Variants in ZNF33B observed in about 807,000 individuals in gnomAD.
ZNF33B encodes the protein zinc finger protein 11b (KOX 2).
Under a neutral mutation model 45.8 loss-of-function variants are expected in ZNF33B, and 29 were observed. The observed-to-expected ratio is 0.63, with a 90% CI of 0.47 to 0.86. ZNF33B has a LOEUF of 0.86. ZNF33B is among the 40% of genes least tolerant of loss of function. The pLI, the probability that ZNF33B is intolerant of heterozygous loss-of-function variation, is 0.00. For synonymous variants in ZNF33B, 305 were observed against 307.8 expected (o/e 0.99, Z 0.10); for missense variants, 831 against 909.9 (o/e 0.91, Z 1.12).
At chr10:42,626,113 C>T (rs1201926618) in intron 4 of ZNF33B, among the ~76,000 whole-genome samples, 1 of 152,154 alleles carries the variant, frequency 6.6e-6, no homozygotes, top group Non-Finnish European at 1.5e-5. Flanking sequence ...TTGTCAAATG[C>T]TTTCTCTATA....
Position 42,591,204 on chromosome 10 carries a change from C to T in ZNF33B, c.*1409G>A, listed in dbSNP as rs1837106770. Reference sequence around the variant, plus strand: ...GTACAATGAGCAATGAAATGACAGTCCAACAGCCCTGGGCAGCAACTGGGC... The same window carrying T: ...GTACAATGAGCAATGAAATGACAGTTCAACAGCCCTGGGCAGCAACTGGGC... On this transcript the variant is annotated 3_prime_UTR_variant, in exon 5 of 5. Coordinates refer to ENST00000359467, the MANE Select transcript of ZNF33B (RefSeq NM_006955.3). The T allele has an allele frequency of 1.2e-6, 1 of 815,426 alleles. No homozygotes were observed. The allele number at this position is 815,426 out of a possible 1,614,324, so 50.5% of individuals were successfully genotyped here. A position where few individuals can be genotyped will look rare whatever the true frequency, so the allele number is the denominator to read the frequency against.
In ZNF33B at chr10:42,592,855, C is replaced by T. The variant is rs1288722960; in HGVS notation, c.2095G>A (p.Gly699Arg). Residue 699 changes from glycine (G) to arginine (R), a missense_variant, in exon 5 of 5, where the codon GGG becomes AGG. By Grantham distance (125) the Gly-to-Arg change is moderately radical. Coordinates refer to ENST00000359467, the MANE Select transcript of ZNF33B (RefSeq NM_006955.3). ...GATGATTTGTGACTGAAGGATTTCC[C>T]ACATTCATTGCATTCATAGGGTTTC... Reference protein sequence around the residue: ...GEKPYECNECGKSFSHKSSLT... With the variant: ...GEKPYECNECRKSFSHKSSLT... The T allele has an allele frequency of 1.2e-6, 2 of 1,614,074 alleles. No homozygotes were observed. The highest frequency in any genetic ancestry group is 2.2e-5 in the East Asian group (1 of 44,862).
At chr10:42,575,573 T>C (rs932021320) in intron 1 of ZNF33B, among the ~76,000 whole-genome samples, 2 of 152,082 alleles carry the variant, frequency 1.3e-5, no homozygotes, top group African/African-American at 4.8e-5. Context: ...ATTTCTTTCA[T>C]GTATGCCCCT....
intron 4 of ZNF33B, among the ~76,000 whole-genome samples, chr10:42,603,788 T>A (rs1837727006): frequency 7.2e-6 from 1 of 138,056 alleles, no homozygotes; most frequent in South Asian, 2.2e-4. Flanking sequence ...CACAGAAAGA[T>A]TCACTCAAAG....
At chr10:42,615,936 T>C (rs897985702) in intron 4 of ZNF33B, among the ~76,000 whole-genome samples, 9 of 149,402 alleles carry the variant, frequency 6.0e-5, no homozygotes, top group African/African-American at 2.0e-4. Context: ...AAAAAAACAA[T>C]TGTCGGCTGG....
intron 1 of ZNF33B, among the ~76,000 whole-genome samples, chr10:42,637,947 A>G (rs1169464252): frequency 6.6e-6 from 1 of 152,204 alleles, no homozygotes; most frequent in Non-Finnish European, 1.5e-5. Flanking sequence ...CCACCGCGCT[A>G]GGCCAAAATT....
At chr10:42,611,804 T>TA (rs1248165971) in intron 4 of ZNF33B, among the ~76,000 whole-genome samples, 1 of 152,228 alleles carries the variant, frequency 6.6e-6, no homozygotes, top group Non-Finnish European at 1.5e-5. Context: ...TTTTCTCTAT[T>TA]AAGCTTCTAT....
chr10:42,603,612 G>A lies in ZNF33B; in HGVS notation c.251-8913C>T, dbSNP rs190033581. 3.3e-4 allele frequency among the ~76,000 whole-genome samples: 50 copies of A among 152,252 alleles called. 1 individual carries two copies. Among genetic ancestry groups the A allele is most frequent in the African/African-American group, 1.1e-3 (47 of 41,556 alleles). On this transcript the variant is annotated intron_variant, in intron 4 of 4. Coordinates refer to ENST00000359467, the MANE Select transcript of ZNF33B (RefSeq NM_006955.3). ...TGGCAACATAAAAAGCAAACTCAAA[G>A]CCTCAAAGACAGCCCTCTAGAAGGA... is the stretch of plus-strand genomic sequence containing the variant.
At chr10:42,627,384 CCT>C (rs542872184) in intron 4 of ZNF33B, among the ~76,000 whole-genome samples, 169 of 152,206 alleles carry the variant, frequency 1.1e-3, no homozygotes, top group Middle Eastern at 0.01. Flanking sequence ...AGTGATATTC[CCT>C]GTTTCATTCC....
intron 2 of ZNF33B, 170 bp downstream of exon 2, chr10:42,636,750 G>A: frequency 1.2e-6 from 1 of 817,014 alleles, no homozygotes. Flanking sequence ...AACCCAGGAG[G>A]CAGAGGTTGC....
In ZNF33B at chr10:42,593,035, A is replaced by G; in HGVS notation, c.1915T>C (p.Cys639Arg). The G allele has an allele frequency of 6.2e-7, 1 of 1,614,114 alleles. No homozygotes were observed. ...RIHIGEKPYE[C>R]NECGKAFCHK... ...CAGAAAGCTTTTCCACACTCATTAC[A>G]TTCATAGGGTTTCTCCCCTATGTGA... The change falls in exon 5 of 5, where the codon TGT becomes CGT. Residue 639 changes from cysteine (C) to arginine (R), a missense_variant. Coordinates refer to ENST00000359467, the MANE Select transcript of ZNF33B (RefSeq NM_006955.3).
chr10:42,579,438 G>C (rs1300517045), intron 1 of ZNF33B, among the ~76,000 whole-genome samples: 3 of 152,178 alleles, frequency 2.0e-5, no homozygotes, highest in African/African-American at 7.2e-5. Context: ...TTTGCAACTG[G>C]TTTCTGAGTT....
intron 1 of ZNF33B, chr10:42,578,695 A>AACC (rs939000596): frequency 6.6e-6 from 1 of 152,334 alleles, no homozygotes; most frequent in Non-Finnish European, 1.5e-5. Flanking sequence ...ACCACTCCTT[A>AACC]ACCACCTCTA....
At chr10:42,604,614 G>A (rs1837761937) in intron 4 of ZNF33B, among the ~76,000 whole-genome samples, 3 of 151,366 alleles carry the variant, frequency 2.0e-5, no homozygotes, top group African/African-American at 7.3e-5. Context: ...TCACTAGAAT[G>A]ACTCAACAAA....
intron 4 of ZNF33B, 90 bp from the exon 5 acceptor site, chr10:42,594,789 T>C (rs1564500448): frequency 7.2e-7 from 1 of 1,390,068 alleles, no homozygotes; most frequent in Non-Finnish European, 9.4e-7. Flanking sequence ...ATGTTGTAGC[T>C]GACTCTGGTT....
intron 4 of ZNF33B, among the ~76,000 whole-genome samples, chr10:42,597,772 A>C (rs916493587): frequency 6.6e-6 from 1 of 152,174 alleles, no homozygotes; most frequent in Non-Finnish European, 1.5e-5. Context: ...ATAGACAAAG[A>C]CTGGAGTAGC....
intron 1 of ZNF33B, among the ~76,000 whole-genome samples, chr10:42,578,333 A>G (rs1240415245): frequency 1.3e-5 from 2 of 152,212 alleles, no homozygotes; most frequent in African/African-American, 4.8e-5. Flanking sequence ...TCGGCACAGC[A>G]CTGGGGTATC....
chr10:42,590,413 C>T lies in ZNF33B; in HGVS notation c.*2200G>A, dbSNP rs1443743695. 1 of 152,032 alleles carries T rather than the reference C, an allele frequency of 6.6e-6. No homozygotes were observed. Among genetic ancestry groups the T allele is most frequent in the Non-Finnish European group, 1.5e-5 (1 of 68,028 alleles). 9.4% of individuals were successfully genotyped at this position (152,032 alleles called of 1,614,324 possible). A position where few individuals can be genotyped will look rare whatever the true frequency, so the allele number is the denominator to read the frequency against. Reference sequence around the variant, plus strand: ...ATTATTAATTTTATTGAGATGGAGTCTCACTCTGTCACCCAGGCTGGAGTA... The same window carrying T: ...ATTATTAATTTTATTGAGATGGAGTTTCACTCTGTCACCCAGGCTGGAGTA... On this transcript the variant is annotated 3_prime_UTR_variant, in exon 5 of 5. Transcript: ENST00000359467.
At chr10:42,635,449 G>A (rs968338177) in intron 2 of ZNF33B, among the ~76,000 whole-genome samples, 2 of 152,096 alleles carry the variant, frequency 1.3e-5, no homozygotes, top group African/African-American at 4.8e-5. Flanking sequence ...CATTATTTGC[G>A]CCATGGATTT....
Sources: allele counts gnomAD v4.1 joint callset (sites outside exome capture counted in the v4.1 genomes callset), GRCh38; gene constraint gnomAD v4.1.1; transcripts MANE v1.5; gene names NCBI Gene and HGNC (gene_info 2026-07-23, HGNC 2026-07-21).